The following EPHA5 variants were observed in gnomAD, a reference collection of about 807,000 sequenced individuals.
The protein encoded by EPHA5 is EPH receptor A5.
Under a neutral mutation model 105.0 loss-of-function variants are expected in EPHA5, and 60 were observed. The ratio of observed to expected loss-of-function variants is 0.57; its 90% CI spans 0.46 to 0.71. EPHA5 has a LOEUF of 0.71. Among genes scored for constraint, EPHA5 ranks in the 30% least tolerant of loss-of-function variants. EPHA5 has a pLI of 0.00. For missense variants in EPHA5, 1,218 were observed against 1,274.7 expected, an observed-to-expected ratio of 0.96 and a Z score of 0.68; for synonymous variants, 513 against 449.1, an observed-to-expected ratio of 1.14 and a Z score of -1.80.
At chr4:65,564,101 T>C (rs1355968617) in intron 3 of EPHA5, among the ~76,000 whole-genome samples, 1 of 151,964 alleles carries the variant, frequency 6.6e-6, no homozygotes, top group Non-Finnish European at 1.5e-5. Flanking sequence ...AAATGATTTC[T>C]TTGAGGCCTG....
At chr4:65,440,471 T>G (rs543241085) in intron 5 of EPHA5, among the ~76,000 whole-genome samples, 1 of 147,696 alleles carries the variant, frequency 6.8e-6, no homozygotes, top group Non-Finnish European at 1.5e-5. Context: ...TCTTTTGTTT[T>G]TATTCAACTT....
intron 3 of EPHA5, among the ~76,000 whole-genome samples, chr4:65,519,261 A>G: frequency 6.6e-6 from 1 of 152,182 alleles, no homozygotes; most frequent in Non-Finnish European, 1.5e-5. Flanking sequence ...ATATAAACAG[A>G]ACCAAAGACA....
At chr4:65,459,276 C>A (rs898228058) in intron 5 of EPHA5, among the ~76,000 whole-genome samples, 2 of 151,928 alleles carry the variant, frequency 1.3e-5, no homozygotes, top group African/African-American at 4.8e-5. Context: ...CTGGAACTGG[C>A]AAATTATTGT....
intron 16 of EPHA5, among the ~76,000 whole-genome samples, chr4:65,328,356 ATAT>A (rs1207735953): frequency 2.6e-5 from 4 of 151,288 alleles, no homozygotes; most frequent in African/African-American, 9.7e-5. Context: ...AAAAACACTG[ATAT>A]TAATGATGCT....
chr4:65,569,810 C>T (rs1739932917), intron 3 of EPHA5, among the ~76,000 whole-genome samples: 1 of 151,604 alleles, frequency 6.6e-6, no homozygotes, highest in Non-Finnish European at 1.5e-5. Context: ...GGGTATAGTG[C>T]CTAAAACAAT....
intron 3 of EPHA5, among the ~76,000 whole-genome samples, chr4:65,545,762 G>A (rs548457360): frequency 6.6e-6 from 1 of 151,998 alleles, no homozygotes; most frequent in East Asian, 1.9e-4. Flanking sequence ...AATCGAATAA[G>A]AGCTTCCATG....
chr4:65,576,057 A>AGAAAGAAAGAAAG (rs1560721043), intron 3 of EPHA5, among the ~76,000 whole-genome samples: 21 of 70,956 alleles, frequency 3.0e-4, no homozygotes, highest in Admixed American at 1.2e-3. Context: ...AAAGAAAGAA[A>AGAAAGAAAGAAAG]GAAAAGAAAA....
Position 65,495,835 on chromosome 4 carries a change from T to C in EPHA5, c.911-292A>G, listed in dbSNP as rs913572316. ...TTGATAAAAGGCAAATATTTTTATG[T>C]ATTTAAAACTGAAGCAGTGCTTTGT... is the stretch of plus-strand genomic sequence containing the variant. On this transcript the variant is annotated intron_variant, in intron 3 of 16. Coordinates refer to ENST00000613740, the MANE Select transcript of EPHA5 (RefSeq NM_001281766.3). Among the ~76,000 whole-genome samples, 3 of 152,314 alleles carry C rather than the reference T, an allele frequency of 2.0e-5. 1 individual carries two copies. Among genetic ancestry groups the C allele is most frequent in the Middle Eastern group, 6.8e-3 (2 of 294 alleles).
chr4:65,422,084 T>C (rs1482293759), intron 5 of EPHA5, among the ~76,000 whole-genome samples: 1 of 152,170 alleles, frequency 6.6e-6, no homozygotes, highest in Non-Finnish European at 1.5e-5. Context: ...ATAAACTATT[T>C]CACTTTCAAA....
In EPHA5 at chr4:65,614,894, T is replaced by C. The variant is rs145850467; in HGVS notation, c.247-12590A>G. Among the ~76,000 whole-genome samples the C allele has an allele frequency of 1.2e-3, 177 of 151,908 alleles. 1 individual carries two copies. The highest frequency in any genetic ancestry group is 3.9e-3 in the African/African-American group (163 of 41,532). On this transcript the variant is annotated intron_variant, in intron 2 of 16. Transcript: ENST00000613740. ...AACACTGTAATGATCAAAAAGAAAG[T>C]ACTAATGTCATCAACAATAGAAATA...
At chr4:65,653,691 T>C (rs976904493) in intron 1 of EPHA5, among the ~76,000 whole-genome samples, 2 of 151,994 alleles carry the variant, frequency 1.3e-5, no homozygotes, top group African/African-American at 2.4e-5. Context: ...ACTGCAGTAG[T>C]TGGCTATTTG....
At chr4:65,389,054 T>G (rs1223927837) in intron 8 of EPHA5, among the ~76,000 whole-genome samples, 1 of 152,088 alleles carries the variant, frequency 6.6e-6, no homozygotes, top group Non-Finnish European at 1.5e-5. Flanking sequence ...ATCTTTGGTA[T>G]GATTACATAG....
At chr4:65,409,246 C>T (rs1038998839) in intron 7 of EPHA5, among the ~76,000 whole-genome samples, 3 of 127,242 alleles carry the variant, frequency 2.4e-5, no homozygotes, top group African/African-American at 9.0e-5. Flanking sequence ...TGCTAGATGA[C>T]GAGTTAGTGG....
rs746245080 is a variant in EPHA5 at position 65,324,233 on chromosome 4, G to A, written c.2946-14C>T. On this transcript the variant is annotated splice_polypyrimidine_tract_variant and intron_variant, in intron 16 of 16. Coordinates refer to ENST00000613740, the MANE Select transcript of EPHA5 (RefSeq NM_001281766.3). The stretch of plus-strand genomic sequence containing the variant: ...CGTCTCAAATCCCTGCATGAAGAAA[G>A]CACACATTGGATGTATTGATTCAAT... 1.9e-6 allele frequency: 3 copies of A among 1,571,880 alleles called. No homozygotes were observed. The highest frequency in any genetic ancestry group is 3.4e-5 in the Admixed American group (2 of 59,088).
At chr4:65,502,994 T>A (rs1732646445) in intron 3 of EPHA5, among the ~76,000 whole-genome samples, 1 of 151,846 alleles carries the variant, frequency 6.6e-6, no homozygotes, top group South Asian at 2.1e-4. Flanking sequence ...GCTATTATCC[T>A]AAGTGAACTG....
chr4:65,412,817 A>G (rs1723037534), intron 7 of EPHA5, among the ~76,000 whole-genome samples: 1 of 152,148 alleles, frequency 6.6e-6, no homozygotes. Flanking sequence ...TGTAAATGAT[A>G]GAATATTGAA....
chr4:65,430,546 CCAGA>C (rs34821929), intron 5 of EPHA5, among the ~76,000 whole-genome samples: 9,514 of 151,940 alleles, frequency 0.063, 570 homozygotes, highest in African/African-American at 0.16. Context: ...ACATTATGTG[CCAGA>C]CAGTTTATAG....
chr4:65,492,701 G>A (rs914372696), intron 4 of EPHA5, among the ~76,000 whole-genome samples: 3 of 152,042 alleles, frequency 2.0e-5, no homozygotes, highest in Admixed American at 6.6e-5. Flanking sequence ...TGGGCATTTG[G>A]ATTGTATTTG....
intron 5 of EPHA5, among the ~76,000 whole-genome samples, chr4:65,420,859 T>G (rs1344143584): frequency 6.6e-6 from 1 of 152,056 alleles, no homozygotes; most frequent in Non-Finnish European, 1.5e-5. Context: ...AAGATATTCC[T>G]GATTATTTTA....
Sources: allele counts gnomAD v4.1 joint callset (sites outside exome capture counted in the v4.1 genomes callset), GRCh38; gene constraint gnomAD v4.1.1; transcripts MANE v1.5; gene names NCBI Gene and HGNC (gene_info 2026-07-23, HGNC 2026-07-21).